SPTBN1: variants seen among roughly 807,000 people sequenced by gnomAD.
SPTBN1 encodes the protein spectrin beta, non-erythrocytic 1.
A neutral mutation model predicts 266.4 loss-of-function variants in SPTBN1; 32 were observed. The observed-to-expected ratio is 0.12, with a 90% CI of 0.09 to 0.16. SPTBN1 has a LOEUF of 0.16. Among genes scored for constraint, SPTBN1 ranks in the 10% least tolerant of loss-of-function variants. SPTBN1 has a pLI of 1.00. For synonymous variants in SPTBN1, 1,336 were observed against 1,162.2 expected (o/e 1.15, Z -3.04); for missense variants, 2,296 against 3,067.1 (o/e 0.75, Z 5.94).
chr2:54,612,980 C>T (rs1325767003), intron 4 of SPTBN1, among the ~76,000 whole-genome samples: 1 of 152,180 alleles, frequency 6.6e-6, no homozygotes, highest in Non-Finnish European at 1.5e-5. Context: ...TTGTCCACTT[C>T]TTTCACTTTA....
At chr2:54,594,053 G>C (rs1395113319) in intron 2 of SPTBN1, among the ~76,000 whole-genome samples, 1 of 151,962 alleles carries the variant, frequency 6.6e-6, no homozygotes, top group African/African-American at 2.4e-5. Flanking sequence ...GGCTGGTCTT[G>C]AACTCCTGAC....
intron 2 of SPTBN1, chr2:54,529,407 C>CTAAA (rs1462848638): frequency 1.4e-6 from 1 of 695,706 alleles, no homozygotes; most frequent in South Asian, 1.4e-5. Context: ...AAAGCAAAGG[C>CTAAA]TTTAAAGGCC....
Position 54,659,155 on chromosome 2 carries a change from T to C in SPTBN1, c.6245T>C (p.Leu2082Ser), listed in dbSNP as rs750646939. ...RFSALERLTTLELLEVRRQQE... is the reference protein window; with the variant it reads ...RFSALERLTTSELLEVRRQQE... ...AAACATCACTCTATTTTCTCTTAGT[T>C]GGAGTTACTGGAAGTGCGCAGACAG... Residue 2082 changes from leucine to serine, a missense_variant and splice_region_variant, in exon 31 of 36, where the codon TTG becomes TCG. Physicochemically the swap from Leu to Ser is moderately radical, Grantham distance 145. Coordinates refer to ENST00000356805, the MANE Select transcript of SPTBN1 (RefSeq NM_003128.3). The C allele has an allele frequency of 6.2e-7, 1 of 1,613,774 alleles. No homozygotes were observed. Among genetic ancestry groups the C allele is most frequent in the South Asian group, 1.1e-5 (1 of 91,068 alleles).
intron 2 of SPTBN1, among the ~76,000 whole-genome samples, chr2:54,562,748 G>C (rs924387261): frequency 7.6e-6 from 1 of 132,170 alleles, no homozygotes; most frequent in Non-Finnish European, 1.6e-5. Flanking sequence ...TGTAGAGACA[G>C]GGTTTCACCA....
intron 1 of SPTBN1, among the ~76,000 whole-genome samples, chr2:54,494,567 A>G (rs372491668): frequency 3.3e-5 from 5 of 152,364 alleles, no homozygotes; most frequent in African/African-American, 1.2e-4. Context: ...GTAAAAACAA[A>G]CTATTGGTAT....
Position 54,632,676 on chromosome 2 carries a change from C to A in SPTBN1, c.3675C>A (p.Ile1225=), listed in dbSNP as rs530405465. ...MTTMDANEEK[I]NAVVETGRRL... is the part of the protein sequence containing the mutation. The stretch of plus-strand genomic sequence containing the variant: ...CCATGGACGCCAATGAGGAGAAGAT[C>A]AATGCTGTGGTGGAGACTGGCCGGA... Residue 1225 remains isoleucine, a synonymous_variant, in exon 17 of 36, where the codon ATC becomes ATA. Transcript: ENST00000356805. 1 of 1,614,188 alleles carries A rather than the reference C, an allele frequency of 6.2e-7. No individual in the cohort carries two copies. The highest frequency in any genetic ancestry group is 8.5e-7 in the Non-Finnish European group (1 of 1,180,028).
intron 1 of SPTBN1, among the ~76,000 whole-genome samples, chr2:54,462,871 C>T (rs1031476059): frequency 1.5e-4 from 23 of 152,224 alleles, no homozygotes; most frequent in Non-Finnish European, 2.6e-4. Context: ...AGTAATGGTA[C>T]TCTTTTTCCA....
chr2:54,630,793 T>A, intron 15 of SPTBN1, 62 bp from the exon 16 acceptor site: 2 of 1,502,866 alleles, frequency 1.3e-6, no homozygotes, highest in Admixed American at 4.6e-5. Context: ...CTGTTCCTTT[T>A]GCAATCCAGC....
intron 2 of SPTBN1, among the ~76,000 whole-genome samples, chr2:54,535,962 G>T (rs1671571800): frequency 6.6e-6 from 1 of 152,250 alleles, no homozygotes; most frequent in African/African-American, 2.4e-5. Flanking sequence ...GGAAGTTGCA[G>T]TGAGCCAAGA....
intron 1 of SPTBN1, among the ~76,000 whole-genome samples, chr2:54,476,548 C>G (rs922496905): frequency 6.6e-6 from 1 of 152,210 alleles, no homozygotes; most frequent in Non-Finnish European, 1.5e-5. Flanking sequence ...CTGTTGTATC[C>G]TAACAGGCAT....
At chr2:54,492,340 T>TGG (rs1668730531) in intron 1 of SPTBN1, among the ~76,000 whole-genome samples, 1 of 101,278 alleles carries the variant, frequency 9.9e-6, no homozygotes. Context: ...TGTCTGCAGT[T>TGG]GTTTTTTTGT....
intron 10 of SPTBN1, 95 bp downstream of exon 10, chr2:54,623,691 A>C (rs1678141689): frequency 9.8e-7 from 1 of 1,017,448 alleles, no homozygotes; most frequent in African/African-American, 1.6e-5. Context: ...AGAGACTGGA[A>C]GGGGCTGTCC....
At position 54,629,088 on chromosome 2, in the gene SPTBN1, G is replaced by A. The variant is rs781096558; in HGVS notation, c.1954G>A (p.Gly652Ser). The A allele has an allele frequency of 2.0e-5, 33 of 1,613,808 alleles. No homozygotes were observed. Among genetic ancestry groups the A allele is most frequent in the Non-Finnish European group, 2.8e-5 (33 of 1,179,964 alleles). ...CTTCTGGGAGATGGCAGAAGAGGAA[G>A]GCTGGATACGGGAGAAGGAGAAGAT... ...KFFWEMAEEE[G>S]WIREKEKILS... The change falls in exon 14 of 36, where the codon GGC (glycine) becomes AGC (serine). Residue 652 changes from glycine (G) to serine (S), a missense_variant. Gly to Ser is a moderately conservative substitution (Grantham distance 56). Coordinates refer to ENST00000356805, the MANE Select transcript of SPTBN1 (RefSeq NM_003128.3).
At position 54,533,410 on chromosome 2, in the gene SPTBN1, T is replaced by G. The variant is rs985188467; in HGVS notation, c.148+6844T>G. 2.0e-5 allele frequency among the ~76,000 whole-genome samples: 3 copies of G among 150,254 alleles called. No homozygotes were observed. Among genetic ancestry groups the G allele is most frequent in the Non-Finnish European group, 1.5e-5 (1 of 67,660 alleles). On this transcript the variant is annotated intron_variant, in intron 2 of 35. Coordinates refer to ENST00000356805, the MANE Select transcript of SPTBN1 (RefSeq NM_003128.3). The surrounding 1 kb of genome is among the most constrained non-coding windows in gnomAD (Gnocchi z 4.2). ...TGTGTGTGTGTCTAAACCATTTGAC[T>G]TCTAGTGAACGAACAGAGCCAACCT...
chr2:54,536,231 A>T (rs1324919063), intron 2 of SPTBN1, among the ~76,000 whole-genome samples: 1 of 152,220 alleles, frequency 6.6e-6, no homozygotes, highest in Non-Finnish European at 1.5e-5. Flanking sequence ...AAAGGTATAA[A>T]TTTAATTTAT....
At position 54,653,605 on chromosome 2, in the gene SPTBN1, A is replaced by G. The variant is rs767380934; in HGVS notation, c.5578-4A>G. On this transcript the variant is annotated splice_region_variant and splice_polypyrimidine_tract_variant and intron_variant, in intron 26 of 35. Coordinates refer to ENST00000356805, the MANE Select transcript of SPTBN1 (RefSeq NM_003128.3). This position sits in a 1 kb window ranked among gnomAD's most constrained non-coding sequence, Gnocchi z 5.1. Reference sequence around the variant, plus strand: ...CCTGGCTCATCCCCTACATGGCTTCACAGGTGAGGCAGCTGCAGGAGGATG... The same window carrying G: ...CCTGGCTCATCCCCTACATGGCTTCGCAGGTGAGGCAGCTGCAGGAGGATG... 1.9e-6 allele frequency: 3 copies of G among 1,613,008 alleles called. No individual in the cohort carries two copies. The African/African-American group carries it at 4.0e-5, about 22-fold the overall frequency.
chr2:54,570,906 G>GTA (rs144856714), intron 2 of SPTBN1, among the ~76,000 whole-genome samples: 4,800 of 152,192 alleles, frequency 0.032, 244 homozygotes, highest in African/African-American at 0.11. Context: ...TAGCTTGAGT[G>GTA]TATAGTATTT....
At chr2:54,546,399 T>C (rs1447418279) in intron 2 of SPTBN1, 1 of 152,184 alleles carries the variant, frequency 6.6e-6, no homozygotes, top group African/African-American at 2.4e-5. Context: ...GTTAAAGTGA[T>C]CTGTATACAT....
In SPTBN1 at chr2:54,646,514, C is replaced by T. The variant is rs1158498736; in HGVS notation, c.4866+39C>T. 3 of 1,456,120 alleles carry T rather than the reference C, an allele frequency of 2.1e-6. No homozygotes were observed. Among genetic ancestry groups the T allele is most frequent in the East Asian group, 4.8e-5 (2 of 41,356 alleles). The allele number at this position is 1,456,120 out of a possible 1,614,324, so 90.2% of individuals were successfully genotyped here. ...GGAAGCATCCCTGTCCCAGGAGAGC[C>T]TCAGATTCAAACCCTGGGCACACTT... On this transcript the variant is annotated intron_variant, in intron 23 of 35. Transcript: ENST00000356805. The surrounding 1 kb of genome is among the most constrained non-coding windows in gnomAD (Gnocchi z 4.4).
Sources: gnomAD v4.1 joint callset for allele counts (sites outside exome capture counted in the v4.1 genomes callset) on GRCh38, gnomAD v4.1.1 for gene constraint, Gnocchi (gnomAD v3.1) non-coding constraint, MANE v1.5 for transcripts, NCBI Gene and HGNC (gene_info 2026-07-23, HGNC 2026-07-21) for gene names.